The following ALX4 variants were observed in gnomAD, a reference collection of about 807,000 sequenced individuals.
The protein encoded by ALX4 is homeobox protein aristaless-like 4.
ALX4 carries 22 observed loss-of-function variants against 40.6 expected under a neutral mutation model. The ratio of observed to expected loss-of-function variants is 0.54; its 90% CI spans 0.39 to 0.77. ALX4 has a LOEUF of 0.77. Among genes scored for constraint, ALX4 ranks in the 30% least tolerant of loss-of-function variants. The pLI is 0.00. For missense variants in ALX4, 556 were observed against 564.8 expected (o/e 0.98, Z 0.16); for synonymous variants, 266 against 240.5 (o/e 1.11, Z -0.98).
chr11:44,264,833 G>A lies in ALX4; in HGVS notation c.*21C>T, dbSNP rs1956203156. The A allele has an allele frequency of 1.9e-6, 3 of 1,610,194 alleles. No homozygotes were observed. In the African/African-American group the frequency reaches 4.0e-5, roughly 21 times the overall value. On this transcript the variant is annotated 3_prime_UTR_variant, in exon 4 of 4. Transcript: ENST00000652299. ...CGTGGCCCATGGTGTCCCGAGGTGGGGACGGGGCAGGGGTGCCCTGTCATG... is the reference window on the plus strand; with the variant it reads ...CGTGGCCCATGGTGTCCCGAGGTGGAGACGGGGCAGGGGTGCCCTGTCATG...
intron 1 of ALX4, among the ~76,000 whole-genome samples, chr11:44,304,520 C>A (rs1023904375): frequency 6.6e-6 from 1 of 152,200 alleles, no homozygotes. Flanking sequence ...ATCCCAAGGC[C>A]TCTGAGCCGC....
Position 44,289,951 on chromosome 11 carries a change from C to T in ALX4, c.467-14293G>A, listed in dbSNP as rs568076013. On this transcript the variant is annotated intron_variant, in intron 1 of 3. Coordinates refer to ENST00000652299, the MANE Select transcript of ALX4 (RefSeq NM_021926.4). ...CATGCTCTCCCCTATCCCAGCAATA[C>T]GTCCGCAGGGTTCAGAGACCCCACT... Among the ~76,000 whole-genome samples, 15 of 152,328 alleles carry T rather than the reference C, an allele frequency of 9.8e-5. No homozygotes were observed. The South Asian group carries it at 1.7e-3, about 17-fold the overall frequency.
At chr11:44,291,314 G>A (rs1023308776) in intron 1 of ALX4, among the ~76,000 whole-genome samples, 4 of 152,210 alleles carry the variant, frequency 2.6e-5, no homozygotes, top group Admixed American at 2.0e-4. Flanking sequence ...GGGGTGTTAC[G>A]AGGCAGCGTT....
rs1380862919 is a variant in ALX4, at chr11:44,309,676, G to A, written c.387C>T (p.Cys129=). 6.3e-7 allele frequency: 1 copy of A among 1,591,476 alleles called. No individual in the cohort carries two copies. Among genetic ancestry groups the A allele is most frequent in the Admixed American group, 1.7e-5 (1 of 58,814 alleles). The change falls in exon 1 of 4, where the codon TGC becomes TGT. Residue 129 remains cysteine (C), a synonymous_variant. Coordinates refer to ENST00000652299, the MANE Select transcript of ALX4 (RefSeq NM_021926.4). ...QPHLYLQRGA[C]KTPPDGSLKL... ...TGAGGCTGCCGTCCGGGGGCGTCTT[G>A]CAGGCGCCTCGCTGCAAGTAAAGAT... is the stretch of plus-strand genomic sequence containing the variant.
chr11:44,288,837 A>G (rs1393836165), intron 1 of ALX4, among the ~76,000 whole-genome samples: 1 of 152,260 alleles, frequency 6.6e-6, no homozygotes, highest in African/African-American at 2.4e-5. Context: ...CCAAATGAGT[A>G]AAGTTTCCTT....
At chr11:44,297,709 T>A (rs551183853) in intron 1 of ALX4, among the ~76,000 whole-genome samples, 2 of 136,462 alleles carry the variant, frequency 1.5e-5, no homozygotes, top group Non-Finnish European at 3.1e-5. Flanking sequence ...GAGTGAGACC[T>A]TGTCTCAAAA....
At chr11:44,278,628 G>T (rs747711442) in intron 1 of ALX4, among the ~76,000 whole-genome samples, 1 of 152,242 alleles carries the variant, frequency 6.6e-6, no homozygotes, top group African/African-American at 2.4e-5. Context: ...CAAGTGAGCA[G>T]GCAGAGATAG....
chr11:44,306,779 G>A (rs964882107), intron 1 of ALX4, among the ~76,000 whole-genome samples: 1 of 152,138 alleles, frequency 6.6e-6, no homozygotes, highest in Non-Finnish European at 1.5e-5. Context: ...TGGCAGGGTA[G>A]GGATCCCACT....
Position 44,275,623 on chromosome 11 carries a change from G to A in ALX4, c.502C>T (p.Pro168Ser), listed in dbSNP as rs750173751. Residue 168 changes from proline to serine, a missense_variant, in exon 2 of 4, where the codon CCT (proline) becomes TCT (serine). Physicochemically the swap from Pro to Ser is moderately conservative, Grantham distance 74. Coordinates refer to ENST00000652299, the MANE Select transcript of ALX4 (RefSeq NM_021926.4). ...ESSLGEPELP[P>S]DSDTVGMDSS... ...TCCATCCCCACAGTGTCAGAGTCAG[G>A]GGGTAACTCTGGCTCACCCAGGGAG... 3.7e-6 allele frequency: 6 copies of A among 1,613,568 alleles called. No homozygotes were observed. In the South Asian group the frequency reaches 6.6e-5, roughly 18 times the overall value.
At chr11:44,294,426 A>G (rs976165045) in intron 1 of ALX4, among the ~76,000 whole-genome samples, 3 of 152,354 alleles carry the variant, frequency 2.0e-5, no homozygotes, top group Non-Finnish European at 4.4e-5. Flanking sequence ...GTTCTGGGTC[A>G]AATAAACACA....
At chr11:44,285,728 G>A (rs1303142337) in intron 1 of ALX4, among the ~76,000 whole-genome samples, 1 of 143,224 alleles carries the variant, frequency 7.0e-6, no homozygotes, top group Non-Finnish European at 1.5e-5. Context: ...TTTATTTTTT[G>A]TTTTCTTCTG....
chr11:44,279,089 A>T (rs1014982379), intron 1 of ALX4, among the ~76,000 whole-genome samples: 1 of 152,076 alleles, frequency 6.6e-6, no homozygotes, highest in Non-Finnish European at 1.5e-5. Flanking sequence ...CAGGCTGTCT[A>T]TGTCCACCTC....
At chr11:44,267,342 C>G in intron 3 of ALX4, 152 bp downstream of exon 3, 7 of 1,028,400 alleles carry the variant, frequency 6.8e-6, no homozygotes, top group Non-Finnish European at 7.0e-6. Flanking sequence ...GCCTCCCACA[C>G]TCTGGTATAA....
rs1565013421 is a variant in ALX4, at chr11:44,309,717, G to T, written c.346C>A (p.Pro116Thr). ...QPQQQQPQPQ[P>T]PAQPHLYLQR... is the part of the protein sequence containing the mutation. The stretch of plus-strand genomic sequence containing the variant: ...AAGTAAAGATGCGGTTGCGCGGGCG[G>T]CTGGGGCTGCGGCTGCTGCTGCTGC... Residue 116 changes from proline to threonine, a missense_variant, in exon 1 of 4, where the codon CCG (proline) becomes ACG (threonine). Pro to Thr is a conservative substitution (Grantham distance 38). Coordinates refer to ENST00000652299, the MANE Select transcript of ALX4 (RefSeq NM_021926.4). 6.4e-6 allele frequency: 10 copies of T among 1,570,154 alleles called. No homozygotes were observed. The highest frequency in any genetic ancestry group is 8.6e-6 in the Non-Finnish European group (10 of 1,159,760).
rs184768726 is a variant in ALX4 at position 44,283,989 on chromosome 11, T to C, written c.467-8331A>G. ...CCCTGCTGTGTAACACCTAGTATCA[T>C]AGCTGGCATGCAGTAGATGCTCAGT... On this transcript the variant is annotated intron_variant, in intron 1 of 3. Coordinates refer to ENST00000652299, the MANE Select transcript of ALX4 (RefSeq NM_021926.4). Among the ~76,000 whole-genome samples, 3 of 152,336 alleles carry C rather than the reference T, an allele frequency of 2.0e-5. No homozygotes were observed. In the East Asian group the frequency reaches 5.8e-4, roughly 29 times the overall value.
At chr11:44,290,754 G>A (rs1429470491) in intron 1 of ALX4, among the ~76,000 whole-genome samples, 1 of 152,230 alleles carries the variant, frequency 6.6e-6, no homozygotes, top group African/African-American at 2.4e-5. Flanking sequence ...GGTATCCTTG[G>A]AAAAGTGACT....
chr11:44,306,754 A>C (rs555134045), intron 1 of ALX4, among the ~76,000 whole-genome samples: 1 of 152,218 alleles, frequency 6.6e-6, no homozygotes, highest in African/African-American at 2.4e-5. Context: ...TGCATGCCTC[A>C]GTTTTCCTGC....
Position 44,263,248 on chromosome 11 carries a change from G to T in ALX4, c.*1606C>A, listed in dbSNP as rs1956192779. 1 of 152,342 alleles carries T rather than the reference G, an allele frequency of 6.6e-6. No homozygotes were observed. Among genetic ancestry groups the T allele is most frequent in the Non-Finnish European group, 1.5e-5 (1 of 68,136 alleles). 9.4% of individuals were successfully genotyped at this position (152,342 alleles called of 1,614,324 possible). Reference sequence around the variant, plus strand: ...AGGAATCAAGGGAGAAGGTAGAAAAGGCGAGCGCTTCAATGCGGGGCGCTG... The same window carrying T: ...AGGAATCAAGGGAGAAGGTAGAAAATGCGAGCGCTTCAATGCGGGGCGCTG... On this transcript the variant is annotated 3_prime_UTR_variant, in exon 4 of 4. Transcript: ENST00000652299.
intron 1 of ALX4, among the ~76,000 whole-genome samples, chr11:44,301,655 A>G (rs2119890359): frequency 6.6e-6 from 1 of 152,326 alleles, no homozygotes; most frequent in South Asian, 2.1e-4. Flanking sequence ...CAGGAGTCGC[A>G]TCCAACAAGA....
Sources: allele counts gnomAD v4.1 joint callset (sites outside exome capture counted in the v4.1 genomes callset), GRCh38; gene constraint gnomAD v4.1.1; transcripts MANE v1.5; gene names NCBI Gene and HGNC (gene_info 2026-07-23, HGNC 2026-07-21).